LUZP2: variants seen among roughly 807,000 people sequenced by gnomAD.
The protein encoded by LUZP2 is leucine zipper protein 2.
A neutral mutation model predicts 51.6 loss-of-function variants in LUZP2; 52 were observed. The observed-to-expected ratio is 1.01, with a 90% CI of 0.81 to 1.27. The LOEUF is 1.27. Ranked by LOEUF, LUZP2 falls within the 50% of genes most tolerant of loss-of-function variation. LUZP2 has a pLI of 0.00. For missense variants in LUZP2, 436 were observed against 395.4 expected (o/e 1.10, Z -0.87); for synonymous variants, 154 against 137.3 (o/e 1.12, Z -0.85).
At chr11:25,015,997 T>C (rs1256979887) in intron 9 of LUZP2, among the ~76,000 whole-genome samples, 1 of 151,458 alleles carries the variant, frequency 6.6e-6, no homozygotes, top group East Asian at 2.0e-4. Context: ...CTCGGCTCAC[T>C]GCAAGCTCCA....
intron 7 of LUZP2, among the ~76,000 whole-genome samples, chr11:24,946,550 A>T (rs918600878): frequency 2.6e-5 from 4 of 151,994 alleles, no homozygotes; most frequent in South Asian, 4.1e-4. Flanking sequence ...AAATTATTAG[A>T]TTCTACTTCA....
chr11:24,910,104 T>C (rs879346755), intron 6 of LUZP2, among the ~76,000 whole-genome samples: 2 of 152,176 alleles, frequency 1.3e-5, no homozygotes, highest in Non-Finnish European at 2.9e-5. Context: ...CTGTCAGCAT[T>C]TTGCCCCTGC....
intron 1 of LUZP2, among the ~76,000 whole-genome samples, chr11:24,676,548 T>C (rs1457819973): frequency 6.6e-6 from 1 of 152,150 alleles, no homozygotes; most frequent in African/African-American, 2.4e-5. Context: ...CTGTTACAAA[T>C]AGGATCAGAT....
chr11:24,818,485 C>T (rs911333041), intron 5 of LUZP2, among the ~76,000 whole-genome samples: 22 of 151,822 alleles, frequency 1.4e-4, no homozygotes, highest in Non-Finnish European at 2.5e-4. Flanking sequence ...TGAAGCACGG[C>T]GGGGCTGCAA....
At chr11:24,498,485 A>C (rs1243126015) in intron 1 of LUZP2, among the ~76,000 whole-genome samples, 5 of 152,146 alleles carry the variant, frequency 3.3e-5, no homozygotes, top group Non-Finnish European at 7.3e-5. Context: ...TTTACCCTCA[A>C]TAATTGATAA....
chr11:24,539,411 T>A (rs990537611), intron 1 of LUZP2, among the ~76,000 whole-genome samples: 1 of 151,936 alleles, frequency 6.6e-6, no homozygotes, highest in Non-Finnish European at 1.5e-5. Flanking sequence ...ATAAATTATA[T>A]GGTAATGCTA....
rs1012593081 is a variant in LUZP2, at chr11:24,720,546, A to C, written c.63-8623A>C. On this transcript the variant is annotated intron_variant, in intron 1 of 11. Coordinates refer to ENST00000336930, the MANE Select transcript of LUZP2 (RefSeq NM_001009909.4). ...CTTGAACCAATGCATTTATTAGACAAATTTTTGCTGTGCTGATACTACATT... is the reference window on the plus strand; with the variant it reads ...CTTGAACCAATGCATTTATTAGACACATTTTTGCTGTGCTGATACTACATT... Among the ~76,000 whole-genome samples the C allele has an allele frequency of 7.2e-5, 11 of 152,304 alleles. No homozygotes were observed. In the Middle Eastern group the frequency reaches 0.01, roughly 141 times the overall value.
At chr11:25,047,853 C>T (rs750696067) in intron 9 of LUZP2, among the ~76,000 whole-genome samples, 1 of 152,110 alleles carries the variant, frequency 6.6e-6, no homozygotes, top group Non-Finnish European at 1.5e-5. Context: ...TTAAGTTAGA[C>T]CCTATGCCGG....
At chr11:24,596,326 A>T (rs901638517) in intron 1 of LUZP2, among the ~76,000 whole-genome samples, 1 of 152,198 alleles carries the variant, frequency 6.6e-6, no homozygotes, top group Non-Finnish European at 1.5e-5. Flanking sequence ...ATCAGCTTTC[A>T]AGTTTTGTGG....
In LUZP2 at chr11:24,664,090, T is replaced by G. The variant is rs950620877; in HGVS notation, c.63-65079T>G. ...AAAAATGTGGAAGCGATTTTGGAAC[T>G]GTGTAACAGACAGAGATTGGAAGAG... On this transcript the variant is annotated intron_variant, in intron 1 of 11. Transcript: ENST00000336930. Among the ~76,000 whole-genome samples, 3 of 152,134 alleles carry G rather than the reference T, an allele frequency of 2.0e-5. No homozygotes were observed. In the East Asian group the frequency reaches 5.8e-4, roughly 29 times the overall value.
chr11:24,550,640 C>T (rs1037082842), intron 1 of LUZP2, among the ~76,000 whole-genome samples: 2 of 152,070 alleles, frequency 1.3e-5, no homozygotes, highest in African/African-American at 4.8e-5. Context: ...AGATGTCCTT[C>T]CTCAATGGAT....
At chr11:25,012,194 CACTT>C (rs1420271011) in intron 9 of LUZP2, among the ~76,000 whole-genome samples, 2 of 152,164 alleles carry the variant, frequency 1.3e-5, no homozygotes, top group Admixed American at 1.3e-4. Context: ...CCAGGTCTCT[CACTT>C]ACGCAAAATA....
chr11:24,789,665 A>C (rs1012215149), intron 5 of LUZP2, among the ~76,000 whole-genome samples: 2 of 152,204 alleles, frequency 1.3e-5, no homozygotes, highest in African/African-American at 4.8e-5. Flanking sequence ...TTGATTTCTC[A>C]CAGTTCCAGA....
chr11:24,744,947 T>C (rs1859323808), intron 4 of LUZP2, among the ~76,000 whole-genome samples: 1 of 152,146 alleles, frequency 6.6e-6, no homozygotes, highest in Admixed American at 6.6e-5. Flanking sequence ...AAAATTTCCA[T>C]CTTGATTTCA....
chr11:24,625,163 G>A (rs1854634802), intron 1 of LUZP2, among the ~76,000 whole-genome samples: 1 of 102,872 alleles, frequency 9.7e-6, no homozygotes, highest in Non-Finnish European at 2.1e-5. Flanking sequence ...GAGTGGAATA[G>A]TGATTTCCAG....
intron 1 of LUZP2, among the ~76,000 whole-genome samples, chr11:24,602,006 A>ATG (rs1853680932): frequency 1.6e-5 from 2 of 121,458 alleles, no homozygotes; most frequent in Non-Finnish European, 3.5e-5. Flanking sequence ...ATGTATATAT[A>ATG]TGTATATATG....
intron 1 of LUZP2, among the ~76,000 whole-genome samples, chr11:24,723,000 C>T (rs192506452): frequency 2.0e-5 from 3 of 152,014 alleles, no homozygotes; most frequent in Non-Finnish European, 4.4e-5. Context: ...TAAAAGGGCT[C>T]ATGTGTGGAA....
At chr11:24,972,631 A>T (rs1180582424) in intron 7 of LUZP2, among the ~76,000 whole-genome samples, 1 of 152,070 alleles carries the variant, frequency 6.6e-6, no homozygotes, top group Admixed American at 6.6e-5. Flanking sequence ...TTGAACATGA[A>T]GGGATGCTGA....
chr11:24,994,077 T>G (rs1473357150), intron 9 of LUZP2, among the ~76,000 whole-genome samples: 1 of 151,924 alleles, frequency 6.6e-6, no homozygotes, highest in Admixed American at 6.6e-5. Flanking sequence ...ATCAGTCTGG[T>G]CTCGAACTGC....
Sources: gnomAD v4.1 joint callset for allele counts (sites outside exome capture counted in the v4.1 genomes callset) on GRCh38, gnomAD v4.1.1 for gene constraint, MANE v1.5 for transcripts, NCBI Gene and HGNC (gene_info 2026-07-23, HGNC 2026-07-21) for gene names.